Variants in ADAM18 observed in about 807,000 individuals in gnomAD.
ADAM18 encodes ADAM metallopeptidase domain 18, also known as disintegrin and metalloproteinase domain-containing protein 18.
In ADAM18, 117 loss-of-function variants were observed where a neutral mutation model predicts 94.4. The ratio of observed to expected loss-of-function variants is 1.24; its 90% CI spans 1.07 to 1.45. The LOEUF (loss-of-function observed/expected upper bound fraction) is 1.45, where lower values mean the gene tolerates loss of function less well. ADAM18 is among the 40% of genes most tolerant of loss of function. The pLI is 0.00. For missense variants in ADAM18, 936 were observed against 880.0 expected, an observed-to-expected ratio of 1.06 and a Z score of -0.81; for synonymous variants, 327 against 291.6, an observed-to-expected ratio of 1.12 and a Z score of -1.24.
At chr8:39,710,468 A>G (rs1822365291) in intron 18 of ADAM18, among the ~76,000 whole-genome samples, 1 of 152,228 alleles carries the variant, frequency 6.6e-6, no homozygotes, top group African/African-American at 2.4e-5. Flanking sequence ...CAGTACTTGT[A>G]TCCAAGAAGC....
intron 18 of ADAM18, among the ~76,000 whole-genome samples, chr8:39,716,350 C>A (rs1013371131): frequency 6.6e-6 from 1 of 151,866 alleles, no homozygotes; most frequent in Non-Finnish European, 1.5e-5. Flanking sequence ...CATGAACCTC[C>A]CTGTTAGTGC....
At chr8:39,664,364 A>C (rs1820934175) in intron 13 of ADAM18, among the ~76,000 whole-genome samples, 1 of 152,182 alleles carries the variant, frequency 6.6e-6, no homozygotes, top group Non-Finnish European at 1.5e-5. Context: ...ATATGAGAAG[A>C]TGTGTGTAAG....
At chr8:39,656,957 G>C (rs1162284721) in intron 12 of ADAM18, among the ~76,000 whole-genome samples, 1 of 152,196 alleles carries the variant, frequency 6.6e-6, no homozygotes, top group Non-Finnish European at 1.5e-5. Flanking sequence ...TGGCACAAGT[G>C]AAAAGTGCTA....
chr8:39,671,495 G>A (rs1246125783), intron 14 of ADAM18, among the ~76,000 whole-genome samples: 1 of 152,130 alleles, frequency 6.6e-6, no homozygotes, highest in Non-Finnish European at 1.5e-5. Flanking sequence ...AGAGAGATGA[G>A]GAAGACTTAA....
chr8:39,692,252 A>G (rs1396737523), intron 16 of ADAM18, among the ~76,000 whole-genome samples: 2 of 151,794 alleles, frequency 1.3e-5, no homozygotes, highest in Non-Finnish European at 3.0e-5. Context: ...ACATCTAATC[A>G]ATTATTCATA....
rs924367984 is a variant in ADAM18, at chr8:39,660,591, G to A, written c.1231-3204G>A. On this transcript the variant is annotated intron_variant, in intron 12 of 19. Transcript: ENST00000265707. ...ATACTGAAGTACCTAAGTATATAAG[G>A]TAAATATTAACAGACATTAAAGGAG... Among the ~76,000 whole-genome samples, 4 of 151,968 alleles carry A rather than the reference G, an allele frequency of 2.6e-5. 1 individual carries two copies. The East Asian group carries it at 7.7e-4, about 29-fold the overall frequency.
At chr8:39,709,246 C>G (rs1017682039) in intron 18 of ADAM18, among the ~76,000 whole-genome samples, 8 of 152,186 alleles carry the variant, frequency 5.3e-5, no homozygotes, top group African/African-American at 1.4e-4. Context: ...CTCTTGAAGT[C>G]CAGCCATCTC....
In ADAM18 at chr8:39,677,451, G is replaced by T; in HGVS notation, c.1546G>T (p.Ala516Ser). The T allele has an allele frequency of 8.1e-6, 13 of 1,607,818 alleles. No individual in the cohort carries two copies. Among genetic ancestry groups the T allele is most frequent in the East Asian group, 2.2e-5 (1 of 44,524 alleles). The change falls in exon 15 of 20, where the codon GCC becomes TCC. Residue 516 changes from alanine to serine, a missense_variant. Transcript: ENST00000265707. ...FGKGAQGAPFACFKEVNSLHE... is the reference protein window; with the variant it reads ...FGKGAQGAPFSCFKEVNSLHE... The stretch of plus-strand genomic sequence containing the variant: ...TTAAGGTGCTCAAGGTGCTCCATTT[G>T]CCTGTTTTAAAGAAGTTAATTCTCT...
intron 6 of ADAM18, among the ~76,000 whole-genome samples, chr8:39,624,926 C>G (rs565447112): frequency 6.6e-6 from 1 of 152,262 alleles, no homozygotes; most frequent in South Asian, 2.1e-4. Flanking sequence ...CCTGTGGAAC[C>G]GTAAGCCAAT....
At chr8:39,594,793 G>GTTTTTTTTTTTTTTTTTT (rs71237182) in intron 2 of ADAM18, among the ~76,000 whole-genome samples, 9 of 46,868 alleles carry the variant, frequency 1.9e-4, no homozygotes, top group Non-Finnish European at 2.4e-4. Flanking sequence ...TTTGCTGTGA[G>GTTTTTTTTTTTTTTTTTT]TTTTTTTTTT....
At chr8:39,613,949 A>T (rs1045561229) in intron 6 of ADAM18, among the ~76,000 whole-genome samples, 1 of 152,244 alleles carries the variant, frequency 6.6e-6, no homozygotes, top group African/African-American at 2.4e-5. Context: ...AAAAGAATGA[A>T]TAAAACCTCT....
chr8:39,631,993 A>G (rs542046819), intron 7 of ADAM18, among the ~76,000 whole-genome samples: 4 of 151,952 alleles, frequency 2.6e-5, no homozygotes, highest in Admixed American at 2.6e-4. Flanking sequence ...GTTGACACAC[A>G]ATTTATCTTA....
intron 2 of ADAM18, among the ~76,000 whole-genome samples, chr8:39,587,716 C>A (rs1191593312): frequency 6.6e-6 from 1 of 151,988 alleles, no homozygotes; most frequent in Non-Finnish European, 1.5e-5. Flanking sequence ...AAAGTGCTGG[C>A]ATTACAGGCG....
At chr8:39,584,778 C>G in intron 1 of ADAM18, 101 bp downstream of exon 1, 1 of 1,338,688 alleles carries the variant, frequency 7.5e-7, no homozygotes, top group Non-Finnish European at 1.1e-6. Context: ...CCCCCTCTCC[C>G]TTCTGGGATC....
chr8:39,721,243 A>G (rs774691769), intron 18 of ADAM18, among the ~76,000 whole-genome samples: 1 of 151,450 alleles, frequency 6.6e-6, no homozygotes, highest in Non-Finnish European at 1.5e-5. Flanking sequence ...AAATCTATGT[A>G]TTTCAACATA....
intron 11 of ADAM18, among the ~76,000 whole-genome samples, chr8:39,647,649 A>G (rs1355868277): frequency 6.6e-6 from 1 of 152,228 alleles, no homozygotes; most frequent in Non-Finnish European, 1.5e-5. Context: ...AACCTTGGAC[A>G]ATACCCGGCT....
At chr8:39,678,310 T>C (rs7011098) in intron 15 of ADAM18, among the ~76,000 whole-genome samples, 17,865 of 152,192 alleles carry the variant, frequency 0.12, 1,145 homozygotes, top group South Asian at 0.25. Flanking sequence ...ACAGTTCCTT[T>C]ATTAAGATGA....
chr8:39,586,557 C>T (rs1436607066), intron 2 of ADAM18, among the ~76,000 whole-genome samples: 1 of 152,058 alleles, frequency 6.6e-6, no homozygotes, highest in Non-Finnish European at 1.5e-5. Context: ...GTTGGTGAGA[C>T]CCCATCTCTA....
intron 17 of ADAM18, among the ~76,000 whole-genome samples, chr8:39,694,903 A>G (rs989066943): frequency 1.3e-5 from 2 of 151,526 alleles, no homozygotes; most frequent in Non-Finnish European, 3.0e-5. Context: ...TTATTACAGT[A>G]TCATACAGAA....
Sources: allele counts gnomAD v4.1 joint callset (sites outside exome capture counted in the v4.1 genomes callset), GRCh38; gene constraint gnomAD v4.1.1; transcripts MANE v1.5; gene names NCBI Gene and HGNC (gene_info 2026-07-23, HGNC 2026-07-21).